SNX13: variants seen among roughly 807,000 people sequenced by gnomAD.
SNX13 encodes the protein sorting nexin-13.
In SNX13, 45 loss-of-function variants were observed where a neutral mutation model predicts 133.6. The ratio of observed to expected loss-of-function variants is 0.34; its 90% CI spans 0.27 to 0.43. The LOEUF is 0.43. Among genes scored for constraint, SNX13 ranks in the 20% least tolerant of loss-of-function variants. The pLI is 1.00. For missense variants in SNX13, 1,032 were observed against 1,145.1 expected (o/e 0.90, Z 1.43); for synonymous variants, 414 against 373.9 (o/e 1.11, Z -1.24).
chr7:17,799,078 C>T lies in SNX13; in HGVS notation c.2375G>A (p.Trp792Ter). ...TAGGTTTTTGATATTCCTTCGCAACCACTGATTTCTTTCTTTTAAGTCGAA... is the reference window on the plus strand; with the variant it reads ...TAGGTTTTTGATATTCCTTCGCAACTACTGATTTCTTTCTTTTAAGTCGAA... ...EVFDLKERNQ[W>*]LRRNIKNLLQ... Residue 792 changes from tryptophan (W) to a stop codon, truncating the protein, a stop_gained, in exon 23 of 26, where the codon TGG becomes TAG. Transcript: ENST00000428135. LOFTEE classifies it high-confidence loss of function. 6.2e-7 allele frequency: 1 copy of T among 1,611,014 alleles called. No homozygotes were observed. Among genetic ancestry groups the T allele is most frequent in the Non-Finnish European group, 8.5e-7 (1 of 1,178,068 alleles).
At chr7:17,801,014 A>ATATATATATATATATATATACG (rs1784560886) in intron 22 of SNX13, among the ~76,000 whole-genome samples, 3 of 8,580 alleles carry the variant, frequency 3.5e-4, no homozygotes, top group African/African-American at 9.4e-4. Flanking sequence ...CTGAACATAT[A>ATATATATATATATATATATACG]TATATATATA....
rs967028878 is a variant in SNX13, at chr7:17,845,656, T to C, written c.1104A>G (p.Lys368=). 2.5e-6 allele frequency: 4 copies of C among 1,602,404 alleles called. No individual in the cohort carries two copies. The highest frequency in any genetic ancestry group is 3.4e-6 in the Non-Finnish European group (4 of 1,174,776). Residue 368 remains lysine, a synonymous_variant, in exon 12 of 26, where the codon AAA becomes AAG. Coordinates refer to ENST00000428135, the MANE Select transcript of SNX13 (RefSeq NM_015132.5). ...TGCTGTCCAGGGGGACTGTGCAAAG[T>C]TTCCCAAAGTTTGCTGCAAGTTTCA... ...NTVKLAANFG[K]LCTVPLDSIL...
rs1190170896 is a variant in SNX13, at chr7:17,814,519, AT to A, written c.2064+314del. Among the ~76,000 whole-genome samples the A allele has an allele frequency of 2.6e-5, 4 of 152,238 alleles. No individual in the cohort carries two copies. The East Asian group carries it at 7.7e-4, about 29-fold the overall frequency. ...TTTATCATTATTCCAAGTAAATGAC[AT>A]TTTCTCTCAGAATGAAACATTTCCC... On this transcript the variant is annotated intron_variant, in intron 20 of 25. Transcript: ENST00000428135.
At chr7:17,804,424 G>A (rs1378476304) in intron 20 of SNX13, among the ~76,000 whole-genome samples, 2 of 151,858 alleles carry the variant, frequency 1.3e-5, no homozygotes, top group African/African-American at 4.8e-5. Flanking sequence ...ATCTACAGAA[G>A]AAATTTGAAG....
At chr7:17,879,777 C>T (rs1336525231) in intron 5 of SNX13, 1 of 152,174 alleles carries the variant, frequency 6.6e-6, no homozygotes, top group Non-Finnish European at 1.5e-5. Context: ...GACACAGATG[C>T]CTTTGATTCT....
chr7:17,809,487 AC>A (rs1169267441), intron 20 of SNX13, among the ~76,000 whole-genome samples: 1 of 152,110 alleles, frequency 6.6e-6, no homozygotes, highest in Non-Finnish European at 1.5e-5. Flanking sequence ...CAAGAGACCT[AC>A]AAAGAGACTT....
chr7:17,844,692 T>C (rs769341744), intron 12 of SNX13, among the ~76,000 whole-genome samples: 2 of 150,924 alleles, frequency 1.3e-5, no homozygotes, highest in African/African-American at 4.9e-5. Context: ...AAAGAAATTA[T>C]ACACCATGAC....
chr7:17,910,183 A>G (rs1281578371), intron 1 of SNX13, among the ~76,000 whole-genome samples: 1 of 152,208 alleles, frequency 6.6e-6, no homozygotes, highest in African/African-American at 2.4e-5. Flanking sequence ...TGCAATAAAT[A>G]GACTGATATT....
chr7:17,851,185 A>T (rs1296104426), intron 9 of SNX13, among the ~76,000 whole-genome samples: 1 of 152,256 alleles, frequency 6.6e-6, no homozygotes, highest in Non-Finnish European at 1.5e-5. Flanking sequence ...AGGAATAGGA[A>T]CATGCTCACA....
chr7:17,881,046 C>T (rs114135023), intron 5 of SNX13: 3 of 151,974 alleles, frequency 2.0e-5, no homozygotes, highest in African/African-American at 4.8e-5. Context: ...GGAAAAGGTG[C>T]CTTATGTCAA....
At chr7:17,871,871 T>C (rs556686895) in intron 8 of SNX13, among the ~76,000 whole-genome samples, 9 of 152,232 alleles carry the variant, frequency 5.9e-5, no homozygotes, top group African/African-American at 2.2e-4. Flanking sequence ...GAGAGGTAAA[T>C]AAGGCCACAC....
chr7:17,875,043 G>A (rs1044120665), intron 7 of SNX13, among the ~76,000 whole-genome samples: 9 of 152,114 alleles, frequency 5.9e-5, no homozygotes, highest in African/African-American at 9.6e-5. Context: ...TCTCACTCTC[G>A]TCACTCAGGC....
intron 9 of SNX13, among the ~76,000 whole-genome samples, chr7:17,863,598 G>A (rs1273538447): frequency 6.6e-6 from 1 of 152,198 alleles, no homozygotes; most frequent in Non-Finnish European, 1.5e-5. Flanking sequence ...GCCCTGATAA[G>A]ACAGACCCAG....
At chr7:17,871,745 G>A (rs764813829) in intron 8 of SNX13, among the ~76,000 whole-genome samples, 6 of 152,030 alleles carry the variant, frequency 3.9e-5, no homozygotes, top group Non-Finnish European at 7.4e-5. Context: ...AATTGAGTTC[G>A]GTCCTAAACC....
At chr7:17,911,576 T>C (rs894233157) in intron 1 of SNX13, among the ~76,000 whole-genome samples, 5 of 149,634 alleles carry the variant, frequency 3.3e-5, no homozygotes, top group African/African-American at 9.9e-5. Flanking sequence ...AAGCAGAGAT[T>C]GCAGTGAGCC....
intron 21 of SNX13, among the ~76,000 whole-genome samples, chr7:17,802,075 T>C (rs1259781885): frequency 6.6e-6 from 1 of 152,084 alleles, no homozygotes; most frequent in East Asian, 1.9e-4. Flanking sequence ...GATACACATT[T>C]GTGTACCATT....
chr7:17,847,953 G>A (rs1227194269), intron 11 of SNX13, among the ~76,000 whole-genome samples: 2 of 152,088 alleles, frequency 1.3e-5, no homozygotes, highest in African/African-American at 4.8e-5. Flanking sequence ...CAAAATTCTA[G>A]GCAGAAAAGG....
At chr7:17,808,511 A>T (rs1019198976) in intron 20 of SNX13, among the ~76,000 whole-genome samples, 2 of 152,216 alleles carry the variant, frequency 1.3e-5, no homozygotes, top group African/African-American at 4.8e-5. Flanking sequence ...GGAGAATGGA[A>T]CCAAGTTGGA....
At chr7:17,937,181 G>A (rs1207625782) in intron 1 of SNX13, among the ~76,000 whole-genome samples, 2 of 150,472 alleles carry the variant, frequency 1.3e-5, no homozygotes, top group Non-Finnish European at 1.5e-5. Flanking sequence ...AGTTTACATC[G>A]AGAACTATAT....
Sources: allele counts gnomAD v4.1 joint callset (sites outside exome capture counted in the v4.1 genomes callset), GRCh38; gene constraint gnomAD v4.1.1; transcripts MANE v1.5; gene names NCBI Gene and HGNC (gene_info 2026-07-23, HGNC 2026-07-21).